S100PBP: variants seen among roughly 807,000 people sequenced by gnomAD.
S100PBP encodes S100P-binding protein.
A neutral mutation model predicts 39.9 loss-of-function variants in S100PBP; 15 were observed. That is an observed-to-expected ratio of 0.38 (90% CI 0.25 to 0.58). The LOEUF is 0.58. Among genes scored for constraint, S100PBP ranks in the 20% least tolerant of loss-of-function variants. The probability of loss-of-function intolerance (pLI) is 0.70; values close to 1 mark genes in which losing one functional copy is unlikely to be tolerated. For missense variants in S100PBP, 504 were observed against 487.3 expected (o/e 1.03, Z -0.32); for synonymous variants, 178 against 180.3 (o/e 0.99, Z 0.10).
rs1207104328 is a variant in S100PBP at position 32,831,142 on chromosome 1, A to G, written c.1024+1075A>G. On this transcript the variant is annotated intron_variant, in intron 5 of 6. Coordinates refer to ENST00000373475, the MANE Select transcript of S100PBP (RefSeq NM_022753.4). ...ATTCATTCAGCAAACTTTCTCGAGT[A>G]TTTCAGTCGTGGTAGTTTTGAAGAT... is the stretch of plus-strand genomic sequence containing the variant. Among the ~76,000 whole-genome samples, 3 of 152,076 alleles carry G rather than the reference A, an allele frequency of 2.0e-5. No individual in the cohort carries two copies. In the East Asian group the frequency reaches 5.8e-4, roughly 29 times the overall value.
At chr1:32,844,174 C>T (rs904494061) in intron 5 of S100PBP, among the ~76,000 whole-genome samples, 1 of 151,878 alleles carries the variant, frequency 6.6e-6, no homozygotes, top group Admixed American at 6.6e-5. Context: ...CTTCGGCCTC[C>T]GCAATTGCTG....
chr1:32,826,317 C>T lies in S100PBP; in HGVS notation c.218C>T (p.Ser73Phe). 1.2e-6 allele frequency: 2 copies of T among 1,614,072 alleles called. No individual in the cohort carries two copies. Among genetic ancestry groups the T allele is most frequent in the East Asian group, 4.5e-5 (2 of 44,882 alleles). Residue 73 changes from serine to phenylalanine, a missense_variant, in exon 3 of 7, where the codon TCT becomes TTT. Coordinates refer to ENST00000373475, the MANE Select transcript of S100PBP (RefSeq NM_022753.4). ...KEDDPSYEQS[S>F]GEDDGGHVEK... is the part of the protein sequence containing the mutation. ...GATGACCCATCATATGAGCAGTCTT[C>T]TGGGGAAGATGATGGTGGGCATGTT...
upstream of S100PBP, chr1:32,816,653 ACTT>A: frequency 6.5e-6 from 1 of 154,778 alleles, no homozygotes; most frequent in African/African-American, 2.4e-5. Flanking sequence ...CCTCTGGTTC[ACTT>A]CTACTCCTGT....
At chr1:32,821,395 C>T (rs1251562136) in intron 1 of S100PBP, among the ~76,000 whole-genome samples, 2 of 152,040 alleles carry the variant, frequency 1.3e-5, no homozygotes, top group African/African-American at 2.4e-5. Context: ...GGTCTGGGCT[C>T]ACTGCAACCT....
intron 6 of S100PBP, 148 bp from the exon 7 acceptor site, chr1:32,855,776 T>C (rs886730513): frequency 1.9e-6 from 1 of 539,872 alleles, no homozygotes. Context: ...ATAAAATTTC[T>C]AAAATTGTGA....
intron 4 of S100PBP, among the ~76,000 whole-genome samples, chr1:32,829,168 C>T (rs1366659511): frequency 6.6e-6 from 1 of 150,990 alleles, no homozygotes; most frequent in African/African-American, 2.4e-5. Flanking sequence ...CTACTTGGGA[C>T]AGTAATAAAT....
chr1:32,851,392 A>C (rs1640600334), intron 5 of S100PBP, among the ~76,000 whole-genome samples: 1 of 152,158 alleles, frequency 6.6e-6, no homozygotes, highest in South Asian at 2.1e-4. Context: ...TCAGCTGGGC[A>C]TAGTAACTCA....
At chr1:32,853,058 A>G (rs1640677135) in intron 5 of S100PBP, 21 bp from the exon 6 acceptor site, 1 of 1,564,538 alleles carries the variant, frequency 6.4e-7, no homozygotes, top group Non-Finnish European at 8.8e-7. Context: ...GTTCCTAACC[A>G]CTGATCCCTC....
intron 5 of S100PBP, among the ~76,000 whole-genome samples, chr1:32,849,003 C>G (rs982576084): frequency 1.3e-5 from 2 of 152,164 alleles, no homozygotes; most frequent in Admixed American, 6.5e-5. Flanking sequence ...TGTTCCCATT[C>G]TTGTTAGCAT....
intron 5 of S100PBP, among the ~76,000 whole-genome samples, chr1:32,841,661 A>G (rs748866047): frequency 1.3e-5 from 2 of 151,074 alleles, no homozygotes; most frequent in African/African-American, 2.4e-5. Context: ...CCCGGAAAGT[A>G]AAGATTGCTG....
chr1:32,827,175 C>T (rs961779985), intron 3 of S100PBP, among the ~76,000 whole-genome samples: 1 of 152,110 alleles, frequency 6.6e-6, no homozygotes, highest in Non-Finnish European at 1.5e-5. Flanking sequence ...CCCCACATTT[C>T]TTATCTAAAT....
At chr1:32,842,034 A>G (rs570718581) in intron 5 of S100PBP, among the ~76,000 whole-genome samples, 7 of 151,570 alleles carry the variant, frequency 4.6e-5, no homozygotes, top group East Asian at 1.9e-4. Context: ...AAAAAAAATT[A>G]AAAGGTTAGC....
At position 32,826,194 on chromosome 1, in the gene S100PBP, A is replaced by T. The variant is rs758356686; in HGVS notation, c.95A>T (p.Asp32Val). Residue 32 changes from aspartate to valine, a missense_variant, in exon 3 of 7, where the codon GAT becomes GTT. Asp to Val is a radical substitution (Grantham distance 152, BLOSUM62 -3). Transcript: ENST00000373475. Reference sequence around the variant, plus strand: ...TTTTCTTGGGATTCCTTGGATGAGGATGGATTGGATGACTCCTTGCTGGAG... The same window carrying T: ...TTTTCTTGGGATTCCTTGGATGAGGTTGGATTGGATGACTCCTTGCTGGAG... ...APFSWDSLDE[D>V]GLDDSLLELS... 21 of 1,614,094 alleles carry T rather than the reference A, an allele frequency of 1.3e-5. No homozygotes were observed. The Admixed American group carries it at 3.3e-4, about 26-fold the overall frequency.
At chr1:32,817,392 C>T, upstream of S100PBP, 3 of 976,412 alleles carry the variant, frequency 3.1e-6, no homozygotes, top group South Asian at 1.4e-5. Context: ...GCCTGGACCC[C>T]TCCGGCAGCG....
chr1:32,841,550 A>G (rs1007521283), intron 5 of S100PBP, among the ~76,000 whole-genome samples: 1 of 151,352 alleles, frequency 6.6e-6, no homozygotes, highest in South Asian at 2.1e-4. Flanking sequence ...ACCAACATGG[A>G]GAAAGCCCAT....
At chr1:32,848,117 G>A (rs993833710) in intron 5 of S100PBP, among the ~76,000 whole-genome samples, 2 of 152,044 alleles carry the variant, frequency 1.3e-5, no homozygotes, top group South Asian at 2.1e-4. Context: ...GACCAGCCTC[G>A]CCAAGATGGT....
intron 6 of S100PBP, among the ~76,000 whole-genome samples, chr1:32,853,676 A>G (rs116295943): frequency 0.076 from 11,530 of 152,040 alleles, 633 homozygotes; most frequent in Admixed American, 0.15. Context: ...AGGCAGGAGG[A>G]TTGCTTGAGC....
intron 4 of S100PBP, among the ~76,000 whole-genome samples, chr1:32,829,058 C>T (rs765387081): frequency 1.3e-5 from 2 of 152,156 alleles, no homozygotes; most frequent in African/African-American, 2.4e-5. Context: ...ACTATCATCC[C>T]GAATCCCAGT....
Position 32,826,637 on chromosome 1 carries a change from G to A in S100PBP, c.538G>A (p.Glu180Lys). The A allele has an allele frequency of 6.2e-7, 1 of 1,614,168 alleles. No individual in the cohort carries two copies. The highest frequency in any genetic ancestry group is 8.5e-7 in the Non-Finnish European group (1 of 1,180,040). ...DTEKLSSLGE[E>K]MREDGLSPNE... ...TGAAAAACTCTCTTCCCTTGGAGAAGAGATGAGAGAAGATGGTCTTAGCCC... is the reference window on the plus strand; with the variant it reads ...TGAAAAACTCTCTTCCCTTGGAGAAAAGATGAGAGAAGATGGTCTTAGCCC... Residue 180 changes from glutamate to lysine, a missense_variant, in exon 3 of 7, where the codon GAG becomes AAG. Glu to Lys is a moderately conservative substitution (Grantham distance 56). Coordinates refer to ENST00000373475, the MANE Select transcript of S100PBP (RefSeq NM_022753.4).
Sources: allele counts gnomAD v4.1 joint callset (sites outside exome capture counted in the v4.1 genomes callset), GRCh38; gene constraint gnomAD v4.1.1; transcripts MANE v1.5; gene names NCBI Gene and HGNC (gene_info 2026-07-23, HGNC 2026-07-21).